CDH10: variants seen among roughly 807,000 people sequenced by gnomAD.
CDH10 encodes cadherin 10, also known as cadherin-10.
A neutral mutation model predicts 73.1 loss-of-function variants in CDH10; 30 were observed. The ratio of observed to expected loss-of-function variants is 0.41; its 90% CI spans 0.31 to 0.56. CDH10 has a LOEUF of 0.56. CDH10 is among the 20% of genes least tolerant of loss of function. The pLI is 0.27. For synonymous variants in CDH10, 345 were observed against 348.2 expected (o/e 0.99, Z 0.10); for missense variants, 815 against 973.7 (o/e 0.84, Z 2.17).
chr5:24,509,574 G>C lies in CDH10; in HGVS notation c.1248C>G (p.Ser416Arg), dbSNP rs2111749605. 2 of 1,613,790 alleles carry C rather than the reference G, an allele frequency of 1.2e-6. No individual in the cohort carries two copies. The highest frequency in any genetic ancestry group is 1.7e-6 in the Non-Finnish European group (2 of 1,179,874). The stretch of plus-strand genomic sequence containing the variant: ...TTAAAAGGCACACTTACCTAATGGG[G>C]CTGGAAATAGAATCTGGGTCCCTTG... ...VMARDPDSISSPIRFSLDRHT... is the reference protein window; with the variant it reads ...VMARDPDSISRPIRFSLDRHT... Residue 416 changes from serine (S) to arginine (R), a missense_variant, in exon 7 of 12, where the codon AGC becomes AGG. Ser to Arg is a moderately radical substitution (Grantham distance 110). Coordinates refer to ENST00000264463, the MANE Select transcript of CDH10 (RefSeq NM_006727.5).
At chr5:24,532,344 C>T (rs1220239044) in intron 5 of CDH10, among the ~76,000 whole-genome samples, 1 of 152,060 alleles carries the variant, frequency 6.6e-6, no homozygotes, top group Non-Finnish European at 1.5e-5. Flanking sequence ...TGAGTCCATG[C>T]TTCCTAGATA....
chr5:24,635,322 T>G (rs1747832115), intron 1 of CDH10, among the ~76,000 whole-genome samples: 1 of 152,002 alleles, frequency 6.6e-6, no homozygotes, highest in African/African-American at 2.4e-5. Context: ...AGAAGGAGAA[T>G]CTGAGAAAGG....
intron 11 of CDH10, 46 bp from the exon 12 acceptor site, chr5:24,488,199 T>G (rs1579705540): frequency 6.8e-7 from 1 of 1,468,378 alleles, no homozygotes; most frequent in Non-Finnish European, 9.2e-7. Context: ...TTCAAAACAC[T>G]ATAAATAACG....
chr5:24,637,793 T>C (rs1486674740), intron 1 of CDH10, among the ~76,000 whole-genome samples: 1 of 151,924 alleles, frequency 6.6e-6, no homozygotes, highest in Admixed American at 6.6e-5. Flanking sequence ...GAATTCATAG[T>C]ACTGAGCCCC....
intron 2 of CDH10, among the ~76,000 whole-genome samples, chr5:24,567,111 T>C (rs1223356871): frequency 6.6e-6 from 1 of 152,042 alleles, no homozygotes; most frequent in Non-Finnish European, 1.5e-5. Flanking sequence ...TCAGCATCCT[T>C]AGTCATCAGA....
intron 2 of CDH10, among the ~76,000 whole-genome samples, chr5:24,560,902 C>T (rs1321973876): frequency 2.6e-5 from 4 of 151,992 alleles, no homozygotes; most frequent in Non-Finnish European, 5.9e-5. Context: ...GTGAAATAAT[C>T]CAAATTTCCT....
At chr5:24,639,645 G>T (rs1054865874) in intron 1 of CDH10, among the ~76,000 whole-genome samples, 1 of 151,650 alleles carries the variant, frequency 6.6e-6, no homozygotes, top group Non-Finnish European at 1.5e-5. Flanking sequence ...TACAACATTT[G>T]CTCATTATAT....
intron 9 of CDH10, among the ~76,000 whole-genome samples, chr5:24,495,803 G>A (rs955577558): frequency 1.4e-5 from 2 of 147,796 alleles, no homozygotes; most frequent in Non-Finnish European, 3.0e-5. Flanking sequence ...AGTGAGCCGA[G>A]ATCACGCCAC....
chr5:24,503,542 T>C (rs1742574862), intron 8 of CDH10, among the ~76,000 whole-genome samples: 1 of 152,192 alleles, frequency 6.6e-6, no homozygotes, highest in South Asian at 2.1e-4. Context: ...CATTTTACAA[T>C]AGGCCCCATG....
At chr5:24,524,536 C>T (rs1567001) in intron 5 of CDH10, among the ~76,000 whole-genome samples, 73,512 of 151,766 alleles carry the variant, frequency 0.48, 17,902 homozygotes, top group East Asian at 0.58. Flanking sequence ...TTATGTGGTA[C>T]GCTTTCCTAT....
At chr5:24,511,974 G>A (rs1742931145) in intron 5 of CDH10, among the ~76,000 whole-genome samples, 1 of 151,928 alleles carries the variant, frequency 6.6e-6, no homozygotes, top group Non-Finnish European at 1.5e-5. Flanking sequence ...CAGACACTGG[G>A]GCCTACTTGA....
chr5:24,535,885 T>A, intron 3 of CDH10, 63 bp from the exon 4 acceptor site: 2 of 1,291,846 alleles, frequency 1.5e-6, no homozygotes, highest in Non-Finnish European at 2.1e-6. Context: ...AAGCACTGGT[T>A]TTCATTGAAG....
At chr5:24,568,397 C>T (rs1745241096) in intron 2 of CDH10, among the ~76,000 whole-genome samples, 1 of 152,044 alleles carries the variant, frequency 6.6e-6, no homozygotes, top group Non-Finnish European at 1.5e-5. Flanking sequence ...TAAAAAGATA[C>T]TCAATATCAC....
intron 2 of CDH10, chr5:24,554,188 GTAAGTAACTC>G (rs66918008): frequency 0.34 from 48,348 of 142,298 alleles, 10,455 homozygotes; most frequent in East Asian, 0.56. Context: ...CTGCAACTTC[GTAAGTAACTC>G]TAAGTAAAGA....
At chr5:24,572,338 C>A (rs12521406) in intron 2 of CDH10, among the ~76,000 whole-genome samples, 63,354 of 151,874 alleles carry the variant, frequency 0.42, 15,004 homozygotes, top group East Asian at 0.62. Context: ...AGACTAAAGG[C>A]ATTCGGCAGA....
chr5:24,593,036 T>C (rs1370492499), intron 2 of CDH10, among the ~76,000 whole-genome samples: 1 of 151,766 alleles, frequency 6.6e-6, no homozygotes, highest in African/African-American at 2.4e-5. Flanking sequence ...AATCCATAAG[T>C]TATTGGGCAG....
At chr5:24,513,131 G>A (rs1742983651) in intron 5 of CDH10, among the ~76,000 whole-genome samples, 2 of 151,612 alleles carry the variant, frequency 1.3e-5, no homozygotes, top group Non-Finnish European at 2.9e-5. Context: ...TGATTCTCGT[G>A]CCTCAGCCTC....
intron 5 of CDH10, among the ~76,000 whole-genome samples, chr5:24,531,728 T>A (rs1743760510): frequency 2.0e-5 from 3 of 152,096 alleles, no homozygotes. Context: ...GTGGGAATTA[T>A]GGGAGCTACA....
intron 1 of CDH10, among the ~76,000 whole-genome samples, chr5:24,638,293 CAGTT>C (rs761846752): frequency 1.1e-3 from 164 of 151,206 alleles, no homozygotes; most frequent in African/African-American, 3.6e-3. Flanking sequence ...TTTTAAAAGA[CAGTT>C]AGCTAGAAGA....
Sources: gnomAD v4.1 joint callset for allele counts (sites outside exome capture counted in the v4.1 genomes callset) on GRCh38, gnomAD v4.1.1 for gene constraint, MANE v1.5 for transcripts, NCBI Gene and HGNC (gene_info 2026-07-23, HGNC 2026-07-21) for gene names.